ERBIN: variants seen among roughly 807,000 people sequenced by gnomAD.
ERBIN encodes densin-180-like protein.
A neutral mutation model predicts 158.4 loss-of-function variants in ERBIN; 60 were observed. The observed-to-expected ratio is 0.38, with a 90% CI of 0.31 to 0.47. The LOEUF is 0.47. Among genes scored for constraint, ERBIN ranks in the 20% least tolerant of loss-of-function variants. The pLI, the probability that ERBIN is intolerant of heterozygous loss-of-function variation, is 0.99. For synonymous variants in ERBIN, 594 were observed against 557.2 expected (o/e 1.07, Z -0.93); for missense variants, 1,610 against 1,648.0 (o/e 0.98, Z 0.40).
chr5:65,976,679 G>T (rs1376021732), intron 1 of ERBIN, among the ~76,000 whole-genome samples: 3 of 151,482 alleles, frequency 2.0e-5, no homozygotes, highest in Non-Finnish European at 4.4e-5. Context: ...CGCAGTGTTT[G>T]TGTCCCTGGG....
chr5:65,963,553 G>A (rs1426587537), intron 1 of ERBIN, among the ~76,000 whole-genome samples: 1 of 151,868 alleles, frequency 6.6e-6, no homozygotes, highest in African/African-American at 2.4e-5. Flanking sequence ...AGCTGAGATC[G>A]TGCCATTGCA....
chr5:66,076,141 TC>T, intron 23 of ERBIN, 174 bp from the exon 24 acceptor site: 1 of 582,706 alleles, frequency 1.7e-6, no homozygotes, highest in Non-Finnish European at 3.0e-6. Context: ...ACTCACTAAC[TC>T]ATTAACATAA....
intron 1 of ERBIN, among the ~76,000 whole-genome samples, chr5:65,967,328 A>G (rs1353738646): frequency 6.6e-6 from 1 of 152,184 alleles, no homozygotes; most frequent in African/African-American, 2.4e-5. Flanking sequence ...ACATTCACTC[A>G]CTACTCACTC....
intron 1 of ERBIN, among the ~76,000 whole-genome samples, chr5:65,956,362 C>G (rs978022451): frequency 2.1e-5 from 3 of 145,592 alleles, no homozygotes; most frequent in Non-Finnish European, 3.0e-5. Flanking sequence ...ATACAGCATT[C>G]TTTCAGGTGA....
chr5:65,965,706 A>T (rs1477588568), intron 1 of ERBIN, among the ~76,000 whole-genome samples: 1 of 151,896 alleles, frequency 6.6e-6, no homozygotes, highest in Non-Finnish European at 1.5e-5. Flanking sequence ...TTCTTATCAG[A>T]TTTAACCTTC....
chr5:66,006,701 AAAAC>A (rs1392496681), intron 4 of ERBIN, among the ~76,000 whole-genome samples: 7 of 151,782 alleles, frequency 4.6e-5, no homozygotes, highest in Admixed American at 4.6e-4. Flanking sequence ...TTACAAGAAA[AAAAC>A]AACCCCATCA....
chr5:65,941,962 G>C (rs145705068), intron 1 of ERBIN, among the ~76,000 whole-genome samples: 2 of 152,098 alleles, frequency 1.3e-5, no homozygotes, highest in East Asian at 3.9e-4. Flanking sequence ...GGATGGTCTC[G>C]ATCTCCTGAC....
At chr5:66,043,262 A>G (rs1758095525) in intron 16 of ERBIN, 64 bp downstream of exon 16, 1 of 1,485,462 alleles carries the variant, frequency 6.7e-7, no homozygotes, top group South Asian at 1.2e-5. Context: ...TTGGTATTAT[A>G]TATACTATGA....
intron 2 of ERBIN, among the ~76,000 whole-genome samples, chr5:65,989,979 C>T (rs980688215): frequency 3.3e-5 from 5 of 152,090 alleles, no homozygotes; most frequent in South Asian, 2.1e-4. Context: ...TCTCTTCTGG[C>T]GATTAAAATC....
chr5:66,043,297 G>T lies in ERBIN; in HGVS notation c.1428+99G>T, dbSNP rs1371174181. The T allele has an allele frequency of 2.4e-6, 3 of 1,226,658 alleles. No individual in the cohort carries two copies. The East Asian group carries it at 7.5e-5, about 31-fold the overall frequency. 76.0% of individuals were successfully genotyped at this position (1,226,658 alleles called of 1,614,324 possible). Reference sequence around the variant, plus strand: ...ATGTCTGGGGATATAACAAAGTATTGAATTTATTCCTTGTCCTCAAGGCAC... The same window carrying T: ...ATGTCTGGGGATATAACAAAGTATTTAATTTATTCCTTGTCCTCAAGGCAC... On this transcript the variant is annotated intron_variant, in intron 16 of 25. Coordinates refer to ENST00000284037, the MANE Select transcript of ERBIN (RefSeq NM_001253697.2).
At chr5:65,948,979 GTCTCAAAC>G (rs1561283414) in intron 1 of ERBIN, among the ~76,000 whole-genome samples, 1 of 151,914 alleles carries the variant, frequency 6.6e-6, no homozygotes, top group Non-Finnish European at 1.5e-5. Flanking sequence ...GGCCAGGCTG[GTCTCAAAC>G]TCCTGACCTC....
chr5:65,979,828 G>GAT (rs1347733403), intron 1 of ERBIN, among the ~76,000 whole-genome samples: 4 of 152,152 alleles, frequency 2.6e-5, no homozygotes, highest in Non-Finnish European at 5.9e-5. Flanking sequence ...GATGACAGTG[G>GAT]ATAGCACAAA....
At position 66,011,522 on chromosome 5, in the gene ERBIN, T is replaced by C. The variant is rs188337597; in HGVS notation, c.308-527T>C. Among the ~76,000 whole-genome samples, 413 of 152,226 alleles carry C rather than the reference T, an allele frequency of 2.7e-3. 2 individuals carry two copies. Among genetic ancestry groups the C allele is most frequent in the South Asian group, 0.012 (59 of 4,828 alleles). The stretch of plus-strand genomic sequence containing the variant: ...GACCAGCATGGTGAAACCCCGTCTC[T>C]ACTGAAATACAAAAATTAGCTGGGC... On this transcript the variant is annotated intron_variant, in intron 4 of 25. Coordinates refer to ENST00000284037, the MANE Select transcript of ERBIN (RefSeq NM_001253697.2).
At chr5:66,055,257 T>C in intron 21 of ERBIN, 1 of 319,294 alleles carries the variant, frequency 3.1e-6, no homozygotes, top group African/African-American at 2.2e-5. Flanking sequence ...TTCAGCATTT[T>C]CTGAACTTTG....
At chr5:66,011,203 A>G (rs576649848) in intron 4 of ERBIN, among the ~76,000 whole-genome samples, 12 of 152,324 alleles carry the variant, frequency 7.9e-5, no homozygotes, top group African/African-American at 2.6e-4. Flanking sequence ...GGGAATATAA[A>G]TATAGTTAGG....
chr5:66,033,774 C>T (rs1313268924), intron 14 of ERBIN, among the ~76,000 whole-genome samples: 1 of 151,946 alleles, frequency 6.6e-6, no homozygotes, highest in Non-Finnish European at 1.5e-5. Context: ...TATTGCAGAG[C>T]ATGTTTACAG....
At chr5:66,041,641 G>A (rs1757930109) in intron 15 of ERBIN, among the ~76,000 whole-genome samples, 2 of 151,976 alleles carry the variant, frequency 1.3e-5, no homozygotes, top group Admixed American at 1.3e-4. Flanking sequence ...CTTACCTTGG[G>A]CTTCTGAATA....
Position 66,081,998 on chromosome 5 carries a change from A to G in ERBIN, c.*3468A>G, listed in dbSNP as rs1485665882. On this transcript the variant is annotated 3_prime_UTR_variant, in exon 26 of 26. Coordinates refer to ENST00000284037, the MANE Select transcript of ERBIN (RefSeq NM_001253697.2). Reference sequence around the variant, plus strand: ...AGGACCTTCAGAAAAAGTTGACCATATTCTACCTAAAGCTGCTAATTCTTT... The same window carrying G: ...AGGACCTTCAGAAAAAGTTGACCATGTTCTACCTAAAGCTGCTAATTCTTT... The G allele has an allele frequency of 6.6e-6, 1 of 152,158 alleles. No individual in the cohort carries two copies. Among genetic ancestry groups the G allele is most frequent in the African/African-American group, 2.4e-5 (1 of 41,456 alleles). 9.4% of individuals were successfully genotyped at this position (152,158 alleles called of 1,614,324 possible). A position where few individuals can be genotyped will look rare whatever the true frequency, so the allele number is the denominator to read the frequency against.
At chr5:66,063,322 C>T (rs931277949) in intron 21 of ERBIN, among the ~76,000 whole-genome samples, 7 of 152,206 alleles carry the variant, frequency 4.6e-5, no homozygotes, top group Non-Finnish European at 7.4e-5. Context: ...GCTCCATGGG[C>T]GTAGGACCCT....
Sources: allele counts gnomAD v4.1 joint callset (sites outside exome capture counted in the v4.1 genomes callset), GRCh38; gene constraint gnomAD v4.1.1; transcripts MANE v1.5; gene names NCBI Gene and HGNC (gene_info 2026-07-23, HGNC 2026-07-21).